Variants in KIAA1328 observed in about 807,000 individuals in gnomAD.
KIAA1328 encodes KIAA1328, also known as protein hinderin.
A neutral mutation model predicts 68.1 loss-of-function variants in KIAA1328; 52 were observed. The ratio of observed to expected loss-of-function variants is 0.76; its 90% confidence interval spans 0.61 to 0.96. The LOEUF is 0.96. Among genes scored for constraint, KIAA1328 ranks in the 40% least tolerant of loss-of-function variants. The pLI is 0.00. For missense variants in KIAA1328, 641 were observed against 677.6 expected (o/e 0.95, Z 0.60); for synonymous variants, 232 against 239.4 (o/e 0.97, Z 0.28).
chr18:37,171,918 C>T (rs1398922880), intron 8 of KIAA1328, among the ~76,000 whole-genome samples: 8 of 152,082 alleles, frequency 5.3e-5, no homozygotes, highest in East Asian at 1.9e-4. Context: ...AATAAACAAA[C>T]GAACAAACAG....
At chr18:36,968,002 A>G (rs1429852110) in intron 6 of KIAA1328, among the ~76,000 whole-genome samples, 2 of 152,202 alleles carry the variant, frequency 1.3e-5, no homozygotes, top group South Asian at 2.1e-4. Context: ...CTTGGAAAAC[A>G]TATTTGGAAA....
At chr18:36,966,165 G>A (rs1399534600) in intron 6 of KIAA1328, among the ~76,000 whole-genome samples, 1 of 152,150 alleles carries the variant, frequency 6.6e-6, no homozygotes, top group African/African-American at 2.4e-5. Flanking sequence ...TGGCAATCAA[G>A]CAAAATCATT....
chr18:36,941,740 A>G (rs990898775), intron 5 of KIAA1328, among the ~76,000 whole-genome samples: 3 of 152,186 alleles, frequency 2.0e-5, no homozygotes, highest in Non-Finnish European at 4.4e-5. Flanking sequence ...CTCTTACCCT[A>G]TTCACAAATA....
chr18:37,012,430 G>C (rs2054009370), intron 6 of KIAA1328, among the ~76,000 whole-genome samples: 1 of 152,132 alleles, frequency 6.6e-6, no homozygotes. Context: ...TTTCACCATT[G>C]TGCTTGCCAG....
chr18:36,889,436 G>A (rs2048607217), intron 5 of KIAA1328, among the ~76,000 whole-genome samples: 4 of 152,182 alleles, frequency 2.6e-5, no homozygotes, highest in Non-Finnish European at 5.9e-5. Flanking sequence ...GATCAATGGT[G>A]AGCGGTGGTA....
chr18:36,970,942 A>G (rs1387493620), intron 6 of KIAA1328, among the ~76,000 whole-genome samples: 1 of 152,228 alleles, frequency 6.6e-6, no homozygotes, highest in Non-Finnish European at 1.5e-5. Flanking sequence ...CAGAATTACA[A>G]AAAACTACTT....
intron 2 of KIAA1328, 34 bp downstream of exon 2, chr18:36,834,389 A>T (rs775175380): frequency 1.3e-6 from 2 of 1,546,312 alleles, no homozygotes; most frequent in Non-Finnish European, 8.7e-7. Flanking sequence ...TGGGAAGCTT[A>T]CTTTGGTCCT....
intron 6 of KIAA1328, among the ~76,000 whole-genome samples, chr18:37,008,550 G>C (rs994980567): frequency 3.5e-4 from 53 of 152,264 alleles, no homozygotes; most frequent in African/African-American, 1.3e-3. Context: ...TCTCTCTAGA[G>C]AAAAGATAAT....
At chr18:37,003,648 A>G (rs2053671528) in intron 6 of KIAA1328, among the ~76,000 whole-genome samples, 1 of 152,134 alleles carries the variant, frequency 6.6e-6, no homozygotes. Flanking sequence ...GTTGTTGGTC[A>G]TGAAGTCTTT....
At chr18:36,908,127 T>A (rs2049289734) in intron 5 of KIAA1328, among the ~76,000 whole-genome samples, 1 of 152,166 alleles carries the variant, frequency 6.6e-6, no homozygotes, top group South Asian at 2.1e-4. Flanking sequence ...CAGTTTTAAC[T>A]AACTTGCAAT....
intron 6 of KIAA1328, among the ~76,000 whole-genome samples, chr18:37,027,107 T>C (rs189314841): frequency 1.3e-5 from 2 of 152,244 alleles, no homozygotes; most frequent in East Asian, 3.9e-4. Flanking sequence ...ATGAGTGAAC[T>C]CCTATTCACA....
rs1568206549 is a variant in KIAA1328 at position 36,952,416 on chromosome 18, T to TA, written c.449-6892_449-6891insA. 3.3e-5 allele frequency among the ~76,000 whole-genome samples: 5 copies of TA among 152,238 alleles called. No homozygotes were observed. The East Asian group carries it at 5.8e-4, about 18-fold the overall frequency. On this transcript the variant is annotated intron_variant, in intron 5 of 9. Transcript: ENST00000280020. Reference sequence around the variant, plus strand: ...CTCTAAGCCTTGATGTCTTTTTTTTTTAAAAAATGTATTGAATATATACTT... The same window carrying TA: ...CTCTAAGCCTTGATGTCTTTTTTTTTATAAAAAATGTATTGAATATATACTT...
At chr18:37,191,980 T>TC (rs1207816393) in intron 9 of KIAA1328, among the ~76,000 whole-genome samples, 1 of 152,154 alleles carries the variant, frequency 6.6e-6, no homozygotes, top group Admixed American at 6.5e-5. Context: ...TCAGGTCTCT[T>TC]CCAAAGAACT....
At chr18:37,026,921 G>A (rs1336466537) in intron 6 of KIAA1328, among the ~76,000 whole-genome samples, 4 of 152,274 alleles carry the variant, frequency 2.6e-5, no homozygotes, top group East Asian at 3.9e-4. Flanking sequence ...TAAGAAAAAA[G>A]GCAGTCAAAT....
At chr18:37,021,033 C>T (rs2054326987) in intron 6 of KIAA1328, among the ~76,000 whole-genome samples, 1 of 152,188 alleles carries the variant, frequency 6.6e-6, no homozygotes, top group African/African-American at 2.4e-5. Context: ...AATGACCAGA[C>T]TTGCCCTAAC....
At chr18:36,857,428 T>G (rs1272902442) in intron 4 of KIAA1328, among the ~76,000 whole-genome samples, 1 of 152,154 alleles carries the variant, frequency 6.6e-6, no homozygotes, top group African/African-American at 2.4e-5. Flanking sequence ...TCTCTGCCAG[T>G]CTATCAGGTC....
rs925468418 is a variant in KIAA1328, at chr18:37,067,091, G to A, written c.778G>A (p.Asp260Asn). The change falls in exon 7 of 10, where the codon GAT (aspartate) becomes AAT (asparagine). Residue 260 changes from aspartate to asparagine, a missense_variant. Coordinates refer to ENST00000280020, the MANE Select transcript of KIAA1328 (RefSeq NM_020776.3). ...VTLHHPKDDL[D>N]KIPSETTTCN... ...CCTTCATCATCCCAAAGATGATCTAGATAAGATACCATCAGAGACCACAAC... is the reference window on the plus strand; with the variant it reads ...CCTTCATCATCCCAAAGATGATCTAAATAAGATACCATCAGAGACCACAAC... 4.3e-6 allele frequency: 7 copies of A among 1,613,862 alleles called. No individual in the cohort carries two copies. In the African/African-American group the frequency reaches 9.3e-5, roughly 22 times the overall value.
At chr18:37,191,451 G>C (rs1427330766) in intron 9 of KIAA1328, among the ~76,000 whole-genome samples, 2 of 152,130 alleles carry the variant, frequency 1.3e-5, no homozygotes, top group Non-Finnish European at 2.9e-5. Context: ...GTACAGTCTA[G>C]TCACATCTTC....
chr18:37,144,483 G>A (rs1235427886), intron 7 of KIAA1328, among the ~76,000 whole-genome samples: 1 of 151,714 alleles, frequency 6.6e-6, no homozygotes. Context: ...TTACATCACT[G>A]ATTTTAAACT....
Sources: allele counts gnomAD v4.1 joint callset (sites outside exome capture counted in the v4.1 genomes callset), GRCh38; gene constraint gnomAD v4.1.1; transcripts MANE v1.5; gene names NCBI Gene and HGNC (gene_info 2026-07-23, HGNC 2026-07-21).